The following ZNF761 variants were observed in gnomAD, a reference collection of about 807,000 sequenced individuals.
ZNF761 encodes zinc finger protein 761.
ZNF761 carries 43 observed loss-of-function variants against 59.9 expected under a neutral mutation model. The observed-to-expected ratio is 0.72, with a 90% CI of 0.56 to 0.92. ZNF761 has a LOEUF of 0.92. Among genes scored for constraint, ZNF761 ranks in the 40% least tolerant of loss-of-function variants. The pLI is 0.00. For synonymous variants in ZNF761, 294 were observed against 304.8 expected (o/e 0.96, Z 0.37); for missense variants, 850 against 906.1 (o/e 0.94, Z 0.79).
intron 4 of ZNF761, 86 bp from the exon 5 acceptor site, chr19:53,454,564 A>G (rs1165710417): frequency 2.2e-6 from 3 of 1,369,378 alleles, no homozygotes; most frequent in Admixed American, 2.6e-5. Flanking sequence ...TAAAATAACT[A>G]TTGTTTTTTG....
chr19:53,455,174 G>T lies in ZNF761; in HGVS notation c.667G>T (p.Ala223Ser). The change falls in exon 5 of 5, where the codon GCC (alanine) becomes TCC (serine). Residue 223 changes from alanine (A) to serine (S), a missense_variant. Transcript: ENST00000684525. ...TTTCCAATGTAATGAGAGTGGCAAA[G>T]CCTTTAATTACAGCTCACTCTTAAG... ...KSFQCNESGK[A>S]FNYSSLLRKH... The T allele has an allele frequency of 1.2e-6, 2 of 1,614,142 alleles. No homozygotes were observed. The highest frequency in any genetic ancestry group is 1.7e-6 in the Non-Finnish European group (2 of 1,180,028).
At chr19:53,436,116 T>G (rs1442292146) in intron 1 of ZNF761, among the ~76,000 whole-genome samples, 2 of 152,190 alleles carry the variant, frequency 1.3e-5, no homozygotes, top group Admixed American at 6.5e-5. Context: ...TTGCTGGCTG[T>G]TCCACTTGTC....
At chr19:53,437,036 G>T (rs1337176088) in intron 1 of ZNF761, among the ~76,000 whole-genome samples, 1 of 152,142 alleles carries the variant, frequency 6.6e-6, no homozygotes, top group East Asian at 1.9e-4. Flanking sequence ...GCACTTTCGT[G>T]ACCCAGCGCA....
In ZNF761 at chr19:53,454,963, C is replaced by T. The variant is rs773785083; in HGVS notation, c.456C>T (p.His152=). The T allele has an allele frequency of 4.3e-6, 7 of 1,614,020 alleles. No homozygotes were observed. Among genetic ancestry groups the T allele is most frequent in the South Asian group, 3.3e-5 (3 of 91,076 alleles). ...TTCATTCGCATCTGCCTGAAATGCA[C>T]ATATTTCAGACCGAAGAGAAAATTG... ...SSFHSHLPEM[H]IFQTEEKIDN... is the part of the protein sequence containing the mutation. The change falls in exon 5 of 5, where the codon CAC becomes CAT. Residue 152 remains histidine, a synonymous_variant. Transcript: ENST00000684525.
In ZNF761 at chr19:53,456,555, T is replaced by G. The variant is rs1260650446; in HGVS notation, c.2048T>G (p.Leu683Arg). The change falls in exon 5 of 5, where the codon CTT becomes CGT. Residue 683 changes from leucine to arginine, a missense_variant. Physicochemically the swap from Leu to Arg is moderately radical, Grantham distance 102. Coordinates refer to ENST00000684525, the MANE Select transcript of ZNF761 (RefSeq NM_001289951.2). Reference sequence around the variant, plus strand: ...TCATATTTTATATGCCATCATAGACTTCATACTGGAGAGAAACCTTATAAG... The same window carrying G: ...TCATATTTTATATGCCATCATAGACGTCATACTGGAGAGAAACCTTATAAG... ...RKSYFICHHR[L>R]HTGEKPYKCN... 3 of 1,612,152 alleles carry G rather than the reference T, an allele frequency of 1.9e-6. No homozygotes were observed. The highest frequency in any genetic ancestry group is 1.7e-6 in the Non-Finnish European group (2 of 1,178,742).
At chr19:53,433,480 A>G (rs1301711043) in intron 1 of ZNF761, among the ~76,000 whole-genome samples, 2 of 38,262 alleles carry the variant, frequency 5.2e-5, no homozygotes, top group South Asian at 7.2e-4. Flanking sequence ...CTTGCTAGGC[A>G]GAGGAAAACT....
At chr19:53,453,048 C>G (rs2086234694) in intron 4 of ZNF761, among the ~76,000 whole-genome samples, 2 of 152,346 alleles carry the variant, frequency 1.3e-5, no homozygotes, top group Non-Finnish European at 2.9e-5. Context: ...TAATTAAGGT[C>G]AACAATGCAC....
At chr19:53,434,138 G>A (rs78025887) in intron 1 of ZNF761, among the ~76,000 whole-genome samples, 3,082 of 152,164 alleles carry the variant, frequency 0.02, 125 homozygotes, top group African/African-American at 0.069. Context: ...TTTATGATGC[G>A]GTTAAGTGTG....
chr19:53,442,097 G>A, intron 1 of ZNF761: 1 of 1,001,428 alleles, frequency 1.0e-6, no homozygotes, highest in Non-Finnish European at 1.5e-6. Flanking sequence ...AAAGCTGGAA[G>A]AAGCGGGAAA....
chr19:53,451,772 A>G (rs906663692), intron 4 of ZNF761, among the ~76,000 whole-genome samples: 17 of 125,226 alleles, frequency 1.4e-4, no homozygotes, highest in Non-Finnish European at 2.4e-4. Context: ...TTTTTTTTTT[A>G]GAAACGGGGT....
chr19:53,432,279 G>A (rs1249551281), intron 1 of ZNF761, among the ~76,000 whole-genome samples: 1 of 152,116 alleles, frequency 6.6e-6, no homozygotes, highest in Non-Finnish European at 1.5e-5. Flanking sequence ...TTTTCCTGCT[G>A]TAAACCTTTT....
intron 1 of ZNF761, among the ~76,000 whole-genome samples, chr19:53,436,195 G>T (rs1043356242): frequency 1.3e-5 from 2 of 152,184 alleles, no homozygotes; most frequent in African/African-American, 4.8e-5. Context: ...ACAGCAGTGG[G>T]AGTGGACAAG....
Position 53,454,669 on chromosome 19 carries a change from G to A in ZNF761, c.162G>A (p.Thr54=), listed in dbSNP as rs1249759836. The change falls in exon 5 of 5, where the codon ACG becomes ACA. Residue 54 remains threonine, a synonymous_variant. Coordinates refer to ENST00000684525, the MANE Select transcript of ZNF761 (RefSeq NM_001289951.2). ...TTGTAGATATCTCTTCCAAATGCAC[G>A]ATGAAGGAGTTCTTGTCAACAGCGC... is the stretch of plus-strand genomic sequence containing the variant. ...LVSLDISSKC[T]MKEFLSTAQG... 1.3e-6 allele frequency: 2 copies of A among 1,598,922 alleles called. No individual in the cohort carries two copies. Among genetic ancestry groups the A allele is most frequent in the South Asian group, 2.3e-5 (2 of 88,500 alleles).
Position 53,456,133 on chromosome 19 carries a change from A to G in ZNF761, c.1626A>G (p.Arg542=). 6.2e-7 allele frequency: 1 copy of G among 1,613,508 alleles called. No individual in the cohort carries two copies. Among genetic ancestry groups the G allele is most frequent in the Non-Finnish European group, 8.5e-7 (1 of 1,179,588 alleles). Residue 542 remains arginine (R), a synonymous_variant, in exon 5 of 5, where the codon AGA becomes AGG. Transcript: ENST00000684525. The part of the protein sequence containing the change: ...SWKSSLTCHR[R]LHSGEKPYKC... ...AGTCATCCCTTACCTGCCATCGTAGACTTCATTCTGGAGAGAAACCTTACA... is the reference window on the plus strand; with the variant it reads ...AGTCATCCCTTACCTGCCATCGTAGGCTTCATTCTGGAGAGAAACCTTACA...
chr19:53,435,658 A>G (rs1482204071), intron 1 of ZNF761, among the ~76,000 whole-genome samples: 3 of 152,002 alleles, frequency 2.0e-5, no homozygotes, highest in Non-Finnish European at 4.4e-5. Context: ...AGTATGGTGC[A>G]GTAGAGTCTT....
chr19:53,449,062 T>G (rs1004627466), intron 3 of ZNF761, among the ~76,000 whole-genome samples: 2 of 152,188 alleles, frequency 1.3e-5, no homozygotes, highest in African/African-American at 4.8e-5. Context: ...CCGGGCGCGG[T>G]GGATCACGCA....
At chr19:53,446,379 T>C (rs2086159511) in intron 2 of ZNF761, 42 bp downstream of exon 2, 2 of 151,884 alleles carry the variant, frequency 1.3e-5, no homozygotes, top group South Asian at 4.2e-4. Context: ...ATTTTTATTT[T>C]TATATATTTT....
intron 1 of ZNF761, among the ~76,000 whole-genome samples, chr19:53,439,350 G>T (rs1351227783): frequency 6.6e-6 from 1 of 151,354 alleles, no homozygotes; most frequent in Non-Finnish European, 1.5e-5. Context: ...CTGTCACCCA[G>T]GCGGGAGTGC....
At position 53,456,438 on chromosome 19, in the gene ZNF761, G is replaced by T. The variant is rs147997360; in HGVS notation, c.1931G>T (p.Arg644Leu). ...TGTGAAGAATGTGACAAAGCTTTCCGTGTGAAATCAAACCTTGAAGGACAT... is the reference window on the plus strand; with the variant it reads ...TGTGAAGAATGTGACAAAGCTTTCCTTGTGAAATCAAACCTTGAAGGACAT... ...YKCEECDKAF[R>L]VKSNLEGHRR... The change falls in exon 5 of 5, where the codon CGT becomes CTT. Residue 644 changes from arginine to leucine, a missense_variant. Physicochemically the swap from Arg to Leu is moderately radical, Grantham distance 102 (BLOSUM62 -2). Coordinates refer to ENST00000684525, the MANE Select transcript of ZNF761 (RefSeq NM_001289951.2). 4.3e-6 allele frequency: 7 copies of T among 1,613,608 alleles called. No individual in the cohort carries two copies. In the Admixed American group the frequency reaches 1.2e-4, roughly 27 times the overall value.
Sources: gnomAD v4.1 joint callset for allele counts (sites outside exome capture counted in the v4.1 genomes callset) on GRCh38, gnomAD v4.1.1 for gene constraint, MANE v1.5 for transcripts, NCBI Gene and HGNC (gene_info 2026-07-23, HGNC 2026-07-21) for gene names.